HSPA8: variants seen among roughly 807,000 people sequenced by gnomAD.
HSPA8 encodes the protein heat shock cognate 71 kDa protein.
Under a neutral mutation model 52.8 loss-of-function variants are expected in HSPA8, and 2 were observed. That is an observed-to-expected ratio of 0.04 (90% CI 0.02 to 0.12). The LOEUF (loss-of-function observed/expected upper bound fraction) is 0.12, where lower values mean the gene tolerates loss of function less well. Ranked by LOEUF, HSPA8 falls within the 10% of genes least tolerant of loss-of-function variation. HSPA8 has a pLI of 1.00. For missense variants in HSPA8, 349 were observed against 800.5 expected (o/e 0.44, Z 6.81); for synonymous variants, 436 against 274.0 (o/e 1.59, Z -5.84).
At position 123,059,680 on chromosome 11, in the gene HSPA8, G is replaced by C. The variant is rs778115074; in HGVS notation, c.913C>G (p.Leu305Val). 2 of 1,614,014 alleles carry C rather than the reference G, an allele frequency of 1.2e-6. No individual in the cohort carries two copies. The highest frequency in any genetic ancestry group is 1.7e-6 in the Non-Finnish European group (2 of 1,179,952). The change falls in exon 5 of 9, where the codon CTG (leucine) becomes GTG (valine). Residue 305 changes from leucine (L) to valine (V), a missense_variant. Transcript: ENST00000534624. ...TSITRARFEELNADLFRGTLD... is the reference protein window; with the variant it reads ...TSITRARFEEVNADLFRGTLD... Reference sequence around the variant, plus strand: ...GTGCCACGGAACAGGTCAGCATTCAGTTCTTCAAATCGGGCACGGGTAATG... The same window carrying C: ...GTGCCACGGAACAGGTCAGCATTCACTTCTTCAAATCGGGCACGGGTAATG...
Position 123,057,648 on chromosome 11 carries a change from T to C in HSPA8, c.*86A>G. On this transcript the variant is annotated 3_prime_UTR_variant, in exon 9 of 9. Transcript: ENST00000534624. ...AACTTACTATAGCAGCTTAACTTTTTAAAACTGCCACAGAATTTGCTACGA... is the reference window on the plus strand; with the variant it reads ...AACTTACTATAGCAGCTTAACTTTTCAAAACTGCCACAGAATTTGCTACGA... The C allele has an allele frequency of 8.8e-7, 1 of 1,141,658 alleles. No individual in the cohort carries two copies. The highest frequency in any genetic ancestry group is 1.2e-6 in the Non-Finnish European group (1 of 800,958). 70.7% of individuals were successfully genotyped at this position (1,141,658 alleles called of 1,614,324 possible).
intron 5 of HSPA8, 48 bp from the exon 6 acceptor site, chr11:123,059,309 T>G: frequency 6.6e-7 from 1 of 1,510,766 alleles, no homozygotes; most frequent in Non-Finnish European, 9.2e-7. Context: ...GAAAACCCAG[T>G]ACATAGCTCC....
Position 123,057,508 on chromosome 11 carries a change from A to G in HSPA8, c.*226T>C, listed in dbSNP as rs1865339149. On this transcript the variant is annotated 3_prime_UTR_variant, in exon 9 of 9. Coordinates refer to ENST00000534624, the MANE Select transcript of HSPA8 (RefSeq NM_006597.6). ...AAGCAATTGTATGGTGCCAATTTTA[A>G]ATAGTTTTATTTAAGACATTGCATT... 2.4e-6 allele frequency: 1 copy of G among 424,884 alleles called. No homozygotes were observed. The highest frequency in any genetic ancestry group is 4.1e-6 in the Non-Finnish European group (1 of 241,588). The allele number at this position is 424,884 out of a possible 1,614,324, so 26.3% of individuals were successfully genotyped here.
chr11:123,058,933 C>G (rs1239071927), intron 6 of HSPA8, 103 bp from the exon 7 acceptor site: 3 of 1,393,766 alleles, frequency 2.2e-6, no homozygotes, highest in Non-Finnish European at 3.0e-6. Flanking sequence ...AAGGAAGGAA[C>G]TGGCCAACAT....
intron 5 of HSPA8, 52 bp downstream of exon 5, chr11:123,059,421 G>C (rs554981599): frequency 1.1e-5 from 17 of 1,492,850 alleles, no homozygotes; most frequent in Middle Eastern, 3.5e-4. Context: ...TCATCACAGC[G>C]AGTCACCTTG....
Position 123,060,355 on chromosome 11 carries a change from A to C in HSPA8, c.412-87T>G. On this transcript the variant is annotated intron_variant, in intron 3 of 8. Transcript: ENST00000534624. ...GCAAATGGATTAATGCTGGTGAAAG[A>C]ACAGCTGGAGCACCCCCCCCACCAA... is the stretch of plus-strand genomic sequence containing the variant. The C allele has an allele frequency of 3.0e-6, 4 of 1,312,636 alleles. No homozygotes were observed. The South Asian group carries it at 3.7e-5, about 12-fold the overall frequency. 81.3% of individuals were successfully genotyped at this position (1,312,636 alleles called of 1,614,324 possible).
At chr11:123,059,307 A>C in intron 5 of HSPA8, 46 bp from the exon 6 acceptor site, 2 of 1,517,146 alleles carry the variant, frequency 1.3e-6, no homozygotes, top group Non-Finnish European at 1.8e-6. Context: ...AAGAAAACCC[A>C]GTACATAGCT....
intron 1 of HSPA8, chr11:123,061,666 G>A (rs1375233328): frequency 1.1e-5 from 4 of 362,834 alleles, no homozygotes; most frequent in African/African-American, 4.2e-5. Context: ...TAACTACTCC[G>A]GAATGTACCC....
Position 123,062,088 on chromosome 11 carries a change from A to G in HSPA8, c.-30T>C, listed in dbSNP as rs1865530289. 6.5e-6 allele frequency: 1 copy of G among 152,730 alleles called. No homozygotes were observed. 9.5% of individuals were successfully genotyped at this position (152,730 alleles called of 1,614,324 possible). A position where few individuals can be genotyped will look rare whatever the true frequency, so the allele number is the denominator to read the frequency against. ...CCTGGGGTGTAGGCCTGGCTCCAAT[A>G]ACGAAGGAAGCCACAAAAAACCCAA... On this transcript the variant is annotated 5_prime_UTR_variant, in exon 1 of 9. Transcript: ENST00000534624.
At chr11:123,060,432 GACCCATCT>G (rs1865459299) in intron 3 of HSPA8, 153 bp downstream of exon 3, 5 of 912,996 alleles carry the variant, frequency 5.5e-6, no homozygotes, top group Non-Finnish European at 8.6e-6. Context: ...GGTGTTGACA[GACCCATCT>G]ACCTAGAGAG....
chr11:123,061,082 T>C (rs199749364), intron 2 of HSPA8, 38 bp downstream of exon 2: 98 of 1,556,902 alleles, frequency 6.3e-5, no homozygotes, highest in Non-Finnish European at 8.0e-5. Flanking sequence ...TTCCTAGCCC[T>C]GTTATATTTG....
rs1865531871 is a variant in HSPA8 at position 123,062,103 on chromosome 11, A to T, written c.-45T>A. The T allele has an allele frequency of 1.3e-5, 2 of 151,616 alleles. No homozygotes were observed. Among genetic ancestry groups the T allele is most frequent in the East Asian group, 1.9e-4 (1 of 5,184 alleles). The allele number at this position is 151,616 out of a possible 1,614,324, so 9.4% of individuals were successfully genotyped here. On this transcript the variant is annotated 5_prime_UTR_variant, in exon 1 of 9. Coordinates refer to ENST00000534624, the MANE Select transcript of HSPA8 (RefSeq NM_006597.6). Reference sequence around the variant, plus strand: ...TGGCTCCAATAACGAAGGAAGCCACAAAAAACCCAAGAGCTGCAGGCGAGT... The same window carrying T: ...TGGCTCCAATAACGAAGGAAGCCACTAAAAACCCAAGAGCTGCAGGCGAGT...
In HSPA8 at chr11:123,059,519, T is replaced by C. The variant is rs142431740; in HGVS notation, c.1074A>G (p.Glu358=). The C allele has an allele frequency of 1.4e-3, 2,213 of 1,614,138 alleles. 19 individuals are homozygous for C. In the African/African-American group the frequency reaches 0.026, roughly 19 times the overall value. Residue 358 remains glutamate, a synonymous_variant, in exon 5 of 9, where the codon GAA becomes GAG. Transcript: ENST00000534624. ...CATCAGGGTTGATGCTCTTATTCAG[T>C]TCTTTTCCATTGAAGAAGTCTTGGA... ...KLLQDFFNGK[E]LNKSINPDEA...
rs765647043 is a variant in HSPA8, at chr11:123,060,176, A to G, written c.504T>C (p.Asn168=). 2 of 1,614,026 alleles carry G rather than the reference A, an allele frequency of 1.2e-6. No homozygotes were observed. The highest frequency in any genetic ancestry group is 8.5e-7 in the Non-Finnish European group (1 of 1,180,004). Residue 168 remains asparagine, a synonymous_variant, in exon 4 of 9, where the codon AAT becomes AAC. Transcript: ENST00000534624. The part of the protein sequence containing the change: ...TKDAGTIAGL[N]VLRIINEPTA... ...TTGGCTCATTAATAATTCTAAGTAC[A>G]TTGAGACCAGCAATAGTTCCAGCAT...
intron 8 of HSPA8, 97 bp from the exon 9 acceptor site, chr11:123,058,016 T>A: frequency 9.9e-7 from 1 of 1,014,358 alleles, no homozygotes; most frequent in Non-Finnish European, 1.5e-6. Context: ...TGGCGCAAAC[T>A]CTTACAAGAG....
rs1042085144 is a variant in HSPA8 at position 123,058,758 on chromosome 11, G to A, written c.1396C>T (p.Pro466Ser). ...ATCTGAGGAACACCTCGGGGTGCAG[G>A]AGGTATGCCTGTGAGTTCAAACTTG... ...LGKFELTGIP[P>S]APRGVPQIEV... Residue 466 changes from proline (P) to serine (S), a missense_variant, in exon 7 of 9, where the codon CCT becomes TCT. Pro to Ser is a moderately conservative substitution (Grantham distance 74). Transcript: ENST00000534624. 6.2e-7 allele frequency: 1 copy of A among 1,614,134 alleles called. No individual in the cohort carries two copies. The highest frequency in any genetic ancestry group is 2.2e-5 in the East Asian group (1 of 44,882).
In HSPA8 at chr11:123,061,333, A is replaced by G. The variant is rs768479550; in HGVS notation, c.-5-4T>C. 9.4e-6 allele frequency: 15 copies of G among 1,597,232 alleles called. No homozygotes were observed. The highest frequency in any genetic ancestry group is 8.9e-5 in the East Asian group (4 of 44,844). ...GCAGGTCCCTTGGACATGGTTGCTG[A>G]AAAAAAGAAAAATCTGGTTTAAAAA... is the stretch of plus-strand genomic sequence containing the variant. On this transcript the variant is annotated splice_region_variant and splice_polypyrimidine_tract_variant and intron_variant, in intron 1 of 8. Coordinates refer to ENST00000534624, the MANE Select transcript of HSPA8 (RefSeq NM_006597.6).
chr11:123,060,463 T>C lies in HSPA8; in HGVS notation c.411+130A>G, dbSNP rs570780997. 19 of 906,936 alleles carry C rather than the reference T, an allele frequency of 2.1e-5. No individual in the cohort carries two copies. In the Middle Eastern group the frequency reaches 1.4e-3, roughly 65 times the overall value. The allele number at this position is 906,936 out of a possible 1,614,324, so 56.2% of individuals were successfully genotyped here. On this transcript the variant is annotated intron_variant, in intron 3 of 8. Coordinates refer to ENST00000534624, the MANE Select transcript of HSPA8 (RefSeq NM_006597.6). ...TCTACCTAGAGAGCCTAGGGCACTG[T>C]TGGGCACGTGGTCTTAACCCTGAGC...
intron 1 of HSPA8, 66 bp from the exon 2 acceptor site, chr11:123,061,395 G>A (rs1012327862): frequency 2.7e-5 from 34 of 1,258,916 alleles, no homozygotes; most frequent in Middle Eastern, 1.8e-4. Flanking sequence ...TCCCTTAACA[G>A]AACACTTAAC....
Sources: allele counts gnomAD v4.1 joint callset, GRCh38; gene constraint gnomAD v4.1.1; transcripts MANE v1.5; gene names NCBI Gene and HGNC (gene_info 2026-07-23, HGNC 2026-07-21).